The following SMOC1 variants were observed in gnomAD, a reference collection of about 807,000 sequenced individuals.
The protein encoded by SMOC1 is SPARC-related modular calcium-binding protein 1.
Under a neutral mutation model 56.3 loss-of-function variants are expected in SMOC1, and 22 were observed. The observed-to-expected ratio is 0.39, with a 90% CI of 0.28 to 0.56. The LOEUF is 0.56. Among genes scored for constraint, SMOC1 ranks in the 20% least tolerant of loss-of-function variants. The probability of loss-of-function intolerance (pLI) is 0.61; values close to 1 mark genes in which losing one functional copy is unlikely to be tolerated. For synonymous variants in SMOC1, 193 were observed against 215.0 expected, an observed-to-expected ratio of 0.90 and a Z score of 0.89; for missense variants, 509 against 565.4, an observed-to-expected ratio of 0.90 and a Z score of 1.01.
chr14:69,924,138 T>G (rs1012183577), intron 1 of SMOC1, among the ~76,000 whole-genome samples: 4 of 152,212 alleles, frequency 2.6e-5, no homozygotes, highest in African/African-American at 7.2e-5. Flanking sequence ...CAGACTTTCC[T>G]GTCTCAGCAA....
At chr14:70,027,550 G>A (rs998664680) in intron 11 of SMOC1, among the ~76,000 whole-genome samples, 1 of 151,934 alleles carries the variant, frequency 6.6e-6, no homozygotes, top group African/African-American at 2.4e-5. Context: ...AGGCCCAGGA[G>A]CAGTGTGGGT....
intron 1 of SMOC1, among the ~76,000 whole-genome samples, chr14:69,888,510 C>T (rs2139296830): frequency 6.6e-6 from 1 of 152,304 alleles, no homozygotes. Flanking sequence ...CCTTTCCCAC[C>T]ACCAGGGAGC....
chr14:69,966,796 G>A (rs1223681024), intron 3 of SMOC1, among the ~76,000 whole-genome samples: 1 of 152,180 alleles, frequency 6.6e-6, no homozygotes, highest in Non-Finnish European at 1.5e-5. Flanking sequence ...TTCTAGCTAT[G>A]GGAATTATAG....
At chr14:69,980,260 T>C (rs1884129520) in intron 5 of SMOC1, among the ~76,000 whole-genome samples, 1 of 152,168 alleles carries the variant, frequency 6.6e-6, no homozygotes, top group Non-Finnish European at 1.5e-5. Flanking sequence ...GAAGCCTTCA[T>C]CTCAGAGGGA....
At chr14:70,023,701 G>C (rs769830099) in intron 11 of SMOC1, among the ~76,000 whole-genome samples, 2 of 152,158 alleles carry the variant, frequency 1.3e-5, no homozygotes, top group Non-Finnish European at 2.9e-5. Flanking sequence ...AGTGTGCTAG[G>C]GTGGGCCAGG....
At chr14:69,931,218 T>C (rs1050475100) in intron 1 of SMOC1, among the ~76,000 whole-genome samples, 6 of 152,212 alleles carry the variant, frequency 3.9e-5, no homozygotes, top group Non-Finnish European at 8.8e-5. Flanking sequence ...TGCGCACGCA[T>C]GGCCGTTTTA....
chr14:69,931,035 C>T (rs554759755), intron 1 of SMOC1, among the ~76,000 whole-genome samples: 112 of 152,314 alleles, frequency 7.4e-4, no homozygotes, highest in Non-Finnish European at 1.2e-3. Flanking sequence ...CTGTTCTGCC[C>T]TCTGTGGCCA....
intron 1 of SMOC1, chr14:69,885,450 C>G: frequency 1.7e-5 from 28 of 1,601,276 alleles, no homozygotes; most frequent in Non-Finnish European, 2.3e-5. Flanking sequence ...CGGATCTCAT[C>G]GTATCTGTCA....
chr14:69,964,538 C>T lies in SMOC1; in HGVS notation c.378+11006C>T, dbSNP rs566962037. ...GACTACAGGTGCCCACCACCACGCC[C>T]GGCTAATTTTTTGTATTTTTAGTAG... is the stretch of plus-strand genomic sequence containing the variant. On this transcript the variant is annotated intron_variant, in intron 3 of 11. Transcript: ENST00000361956. Among the ~76,000 whole-genome samples, 41 of 152,016 alleles carry T rather than the reference C, an allele frequency of 2.7e-4. No individual in the cohort carries two copies. In the East Asian group the frequency reaches 2.9e-3, roughly 11 times the overall value.
rs1337196068 is a variant in SMOC1 at position 69,977,899 on chromosome 14, G to C, written c.479-19G>C. The C allele has an allele frequency of 6.2e-7, 1 of 1,612,944 alleles. No homozygotes were observed. The highest frequency in any genetic ancestry group is 1.3e-5 in the African/African-American group (1 of 74,876). On this transcript the variant is annotated intron_variant, in intron 4 of 11. Transcript: ENST00000361956. ...ATGCATTCTGAGTGGCTATGTTTTT[G>C]TTTCCCTTCTCACCCAAGGTTCAGT...
chr14:70,013,479 C>A lies in SMOC1; in HGVS notation c.1034C>A (p.Thr345Asn). The change falls in exon 10 of 12, where the codon ACT becomes AAT. Residue 345 changes from threonine (T) to asparagine (N), a missense_variant. By Grantham distance (65) the Thr-to-Asn change is moderately conservative. This residue lies in a region of SMOC1 where 176 missense variants were observed against 188.1 expected (regional missense o/e 0.94). Coordinates refer to ENST00000361956, the MANE Select transcript of SMOC1 (RefSeq NM_001034852.3). ...CAGGCCATTAACTCAGCAGCGCCCA[C>A]TGGAGGTGGGAGGTGAGATTGTGAG... ...MVQAINSAAP[T>N]GGGRFSEPDP... is the part of the protein sequence containing the mutation. 1 of 1,614,094 alleles carries A rather than the reference C, an allele frequency of 6.2e-7. No homozygotes were observed. Among genetic ancestry groups the A allele is most frequent in the Non-Finnish European group, 8.5e-7 (1 of 1,179,960 alleles).
Position 69,924,725 on chromosome 14 carries a change from G to A in SMOC1, c.100-27413G>A, listed in dbSNP as rs189022289. 9.0e-3 allele frequency among the ~76,000 whole-genome samples: 844 copies of A among 94,024 alleles called. 28 individuals are homozygous for A. The highest frequency in any genetic ancestry group is 0.039 in the African/African-American group (805 of 20,824). The allele number at this position is 94,024 out of a possible 152,430, so 61.7% of individuals were successfully genotyped here. A position where few individuals can be genotyped will look rare whatever the true frequency, so the allele number is the denominator to read the frequency against. On this transcript the variant is annotated intron_variant, in intron 1 of 11. Transcript: ENST00000361956. ...GCTAGGGGAGGTAGGAGAGGTAGGG[G>A]AGGAGGAGAGGTAGGGGAAGTAGGG...
chr14:69,995,082 C>T (rs1395199153), intron 7 of SMOC1, among the ~76,000 whole-genome samples: 2 of 152,156 alleles, frequency 1.3e-5, no homozygotes, highest in East Asian at 1.9e-4. Flanking sequence ...TGTTCACAAG[C>T]GAAATCTGTA....
At chr14:69,906,971 A>G (rs1282977958) in intron 1 of SMOC1, among the ~76,000 whole-genome samples, 1 of 152,224 alleles carries the variant, frequency 6.6e-6, no homozygotes, top group African/African-American at 2.4e-5. Context: ...ATTTGAGAAG[A>G]GAAAAAGGTT....
chr14:70,003,136 C>A (rs1056254843), intron 7 of SMOC1, among the ~76,000 whole-genome samples: 1 of 152,212 alleles, frequency 6.6e-6, no homozygotes. Flanking sequence ...TTGTTTTCAA[C>A]ACACAGTTTG....
chr14:69,936,996 T>C (rs551920696), intron 1 of SMOC1, among the ~76,000 whole-genome samples: 1 of 152,326 alleles, frequency 6.6e-6, no homozygotes, highest in Admixed American at 6.5e-5. Context: ...TAATTTTATA[T>C]TGTGAGCATT....
chr14:70,027,080 C>A (rs1380147960), intron 11 of SMOC1, among the ~76,000 whole-genome samples: 1 of 152,154 alleles, frequency 6.6e-6, no homozygotes, highest in Non-Finnish European at 1.5e-5. Context: ...TGTGTCCCCA[C>A]TCTCCATTTC....
chr14:69,926,182 A>G (rs1050686390), intron 1 of SMOC1, among the ~76,000 whole-genome samples: 2 of 152,214 alleles, frequency 1.3e-5, no homozygotes, highest in African/African-American at 4.8e-5. Flanking sequence ...TTTGAAGAAC[A>G]AGAAGCAGGA....
chr14:69,997,598 C>G (rs1414542492), intron 7 of SMOC1, among the ~76,000 whole-genome samples: 1 of 152,048 alleles, frequency 6.6e-6, no homozygotes, highest in Non-Finnish European at 1.5e-5. Context: ...CTGTGTAATG[C>G]CTGGCACATA....
Sources: allele counts gnomAD v4.1 joint callset (sites outside exome capture counted in the v4.1 genomes callset), GRCh38; gene constraint gnomAD v4.1.1; regional missense constraint gnomAD v4.1.1; transcripts MANE v1.5; gene names NCBI Gene and HGNC (gene_info 2026-07-23, HGNC 2026-07-21).